Variants in DSTYK observed in about 807,000 individuals in gnomAD.
DSTYK encodes the protein RIP-homologous kinase.
In DSTYK, 34 loss-of-function variants were observed where a neutral mutation model predicts 98.7. That is an observed-to-expected ratio of 0.34 (90% CI 0.26 to 0.46). The LOEUF (loss-of-function observed/expected upper bound fraction) is 0.46. DSTYK is among the 20% of genes least tolerant of loss of function. The pLI, the probability that DSTYK is intolerant of heterozygous loss-of-function variation, is 1.00. For synonymous variants in DSTYK, 462 were observed against 457.3 expected (o/e 1.01, Z -0.13); for missense variants, 962 against 1,181.7 (o/e 0.81, Z 2.73).
rs186662552 is a variant in DSTYK, at chr1:205,195,674, A to G, written c.266-7868T>C. 3.5e-4 allele frequency among the ~76,000 whole-genome samples: 54 copies of G among 152,366 alleles called. No homozygotes were observed. In the East Asian group the frequency reaches 9.6e-3, roughly 27 times the overall value. The stretch of plus-strand genomic sequence containing the variant: ...CTGGAATCGGAAAAGTCAAGTTGGC[A>G]GAAGTCTCTCTAAAGTTATTCTATG... On this transcript the variant is annotated intron_variant, in intron 1 of 12. Transcript: ENST00000367162.
At chr1:205,186,767 A>G (rs2102449790) in intron 2 of DSTYK, among the ~76,000 whole-genome samples, 1 of 152,370 alleles carries the variant, frequency 6.6e-6, no homozygotes, top group South Asian at 2.1e-4. Context: ...ACAATATGAT[A>G]TCTTACGAGA....
At position 205,172,301 on chromosome 1, in the gene DSTYK, GT is replaced by G. The variant is rs111451734; in HGVS notation, c.655-2470del. Among the ~76,000 whole-genome samples, 1,287 of 140,698 alleles carry G rather than the reference GT, an allele frequency of 9.1e-3. 22 individuals carry two copies. Among genetic ancestry groups the G allele is most frequent in the African/African-American group, 0.03 (1,169 of 38,616 alleles). The allele number at this position is 140,698 out of a possible 152,430, so 92.3% of individuals were successfully genotyped here. A position where few individuals can be genotyped will look rare whatever the true frequency, so the allele number is the denominator to read the frequency against. ...ATAAAAGTTTTTCTGTTTGTTTGTG[GT>G]TTTTTTTTTTTTTCTGAGACAAGGT... On this transcript the variant is annotated intron_variant, in intron 2 of 12. Transcript: ENST00000367162.
chr1:205,143,768 GAC>G lies in DSTYK; in HGVS notation c.*3788_*3789del. 6.5e-6 allele frequency: 1 copy of G among 152,712 alleles called. No homozygotes were observed. Among genetic ancestry groups the G allele is most frequent in the African/African-American group, 2.4e-5 (1 of 41,576 alleles). The allele number at this position is 152,712 out of a possible 1,614,324, so 9.5% of individuals were successfully genotyped here. A position where few individuals can be genotyped will look rare whatever the true frequency, so the allele number is the denominator to read the frequency against. ...ACCCTTCTTTGGCAGCTCAAGCAAA[GAC>G]ACAAGAATGCATTTGAGAGCTGACA... On this transcript the variant is annotated 3_prime_UTR_variant, in exon 13 of 13. Coordinates refer to ENST00000367162, the MANE Select transcript of DSTYK (RefSeq NM_015375.3).
intron 1 of DSTYK, among the ~76,000 whole-genome samples, chr1:205,199,025 A>G (rs1658950536): frequency 6.6e-6 from 1 of 152,174 alleles, no homozygotes; most frequent in Admixed American, 6.6e-5. Context: ...CTTTTTTAAA[A>G]TAAGTGGAAT....
chr1:205,153,867 C>CTT (rs771169377), intron 10 of DSTYK, among the ~76,000 whole-genome samples: 24,218 of 132,336 alleles, frequency 0.18, 2,484 homozygotes, highest in East Asian at 0.38. Flanking sequence ...GCCTGGCTAA[C>CTT]TTTTTTTTTT....
At position 205,145,010 on chromosome 1, in the gene DSTYK, A is replaced by G. The variant is rs1446715429; in HGVS notation, c.*2548T>C. The G allele has an allele frequency of 6.6e-6, 1 of 152,240 alleles. No individual in the cohort carries two copies. The allele number at this position is 152,240 out of a possible 1,614,324, so 9.4% of individuals were successfully genotyped here. On this transcript the variant is annotated 3_prime_UTR_variant, in exon 13 of 13. Transcript: ENST00000367162. ...TTAGAGTCAAAAGAAAACAGTCTGG[A>G]AAGGGAACTATATAAGACTTTTCCT...
At chr1:205,196,508 C>A (rs995816181) in intron 1 of DSTYK, among the ~76,000 whole-genome samples, 1 of 152,104 alleles carries the variant, frequency 6.6e-6, no homozygotes, top group Non-Finnish European at 1.5e-5. Flanking sequence ...GAGCTATGAT[C>A]ACACTACTGC....
At chr1:205,156,212 A>G (rs1288102426) in intron 10 of DSTYK, among the ~76,000 whole-genome samples, 2 of 152,220 alleles carry the variant, frequency 1.3e-5, no homozygotes, top group African/African-American at 4.8e-5. Flanking sequence ...CCCCACAGAA[A>G]GTCCCCACTG....
At chr1:205,211,172 C>T in intron 1 of DSTYK, 99 bp downstream of exon 1, 1 of 1,460,812 alleles carries the variant, frequency 6.8e-7, no homozygotes, top group Non-Finnish European at 9.0e-7. Flanking sequence ...CCCTTTCCGC[C>T]TGCCCGAGAA....
chr1:205,194,673 G>A lies in DSTYK; in HGVS notation c.266-6867C>T, dbSNP rs138884598. Among the ~76,000 whole-genome samples the A allele has an allele frequency of 5.5e-4, 82 of 148,610 alleles. 2 individuals carry two copies. In the East Asian group the frequency reaches 0.012, roughly 22 times the overall value. On this transcript the variant is annotated intron_variant, in intron 1 of 12. Coordinates refer to ENST00000367162, the MANE Select transcript of DSTYK (RefSeq NM_015375.3). ...GCTAGGATTATAGGCATGAGCCGCC[G>A]TGCCTGGCCTAAAAAAAAAAGACAG...
chr1:205,196,087 G>C (rs557689276), intron 1 of DSTYK, among the ~76,000 whole-genome samples: 17 of 152,296 alleles, frequency 1.1e-4, no homozygotes, highest in African/African-American at 4.1e-4. Flanking sequence ...AGCTTGAAGG[G>C]AAACTCACTC....
intron 1 of DSTYK, among the ~76,000 whole-genome samples, chr1:205,188,283 G>T (rs1042283360): frequency 2.6e-5 from 4 of 152,142 alleles, no homozygotes; most frequent in African/African-American, 9.7e-5. Flanking sequence ...GATTACAGTC[G>T]TGTGTTGCTT....
At chr1:205,159,822 G>A in intron 8 of DSTYK, 143 bp from the exon 9 acceptor site, 2 of 1,055,824 alleles carry the variant, frequency 1.9e-6, no homozygotes, top group South Asian at 3.3e-5. Flanking sequence ...AGAGCCCTCA[G>A]TACAGACAGA....
intron 1 of DSTYK, among the ~76,000 whole-genome samples, chr1:205,207,540 C>G (rs1659239995): frequency 6.6e-6 from 1 of 150,418 alleles, no homozygotes; most frequent in Admixed American, 6.6e-5. Flanking sequence ...CGCTTGAGGT[C>G]AGGAGTTTGA....
chr1:205,173,597 T>C (rs1658135532), intron 2 of DSTYK, among the ~76,000 whole-genome samples: 1 of 152,172 alleles, frequency 6.6e-6, no homozygotes, highest in African/African-American at 2.4e-5. Context: ...ATTTTGTTTG[T>C]TTTTTCTGAT....
intron 1 of DSTYK, among the ~76,000 whole-genome samples, chr1:205,201,394 T>C (rs1343629620): frequency 7.0e-6 from 1 of 143,058 alleles, no homozygotes; most frequent in Non-Finnish European, 1.5e-5. Context: ...AAAAACAAAA[T>C]TTTTTTAATG....
At chr1:205,206,237 C>T (rs59568192) in intron 1 of DSTYK, among the ~76,000 whole-genome samples, 2 of 151,986 alleles carry the variant, frequency 1.3e-5, no homozygotes, top group East Asian at 3.9e-4. Flanking sequence ...ATAGCTAATA[C>T]TTACATAGCA....
rs200741404 is a variant in DSTYK at position 205,211,493 on chromosome 1, C to G, written c.43G>C (p.Gly15Arg). 6 of 1,579,192 alleles carry G rather than the reference C, an allele frequency of 3.8e-6. No homozygotes were observed. The South Asian group carries it at 6.8e-5, about 18-fold the overall frequency. ...ATTCCGCCGCCGCCGGGGCCGGGAC[C>G]CGAGACGGGCTCGCTGCCCCATGGC... is the stretch of plus-strand genomic sequence containing the variant. ...GVPWGSEPVS[G>R]PGPGGGGMIR... The change falls in exon 1 of 13, where the codon GGT becomes CGT. Residue 15 changes from glycine to arginine, a missense_variant. Physicochemically the swap from Gly to Arg is moderately radical, Grantham distance 125. This residue lies in a region of DSTYK where 168 missense variants were observed against 120.0 expected (regional missense o/e 1.40). Transcript: ENST00000367162.
intron 2 of DSTYK, among the ~76,000 whole-genome samples, chr1:205,180,042 C>A (rs1358004488): frequency 6.6e-6 from 1 of 152,168 alleles, no homozygotes; most frequent in Non-Finnish European, 1.5e-5. Flanking sequence ...AGAGCTAACC[C>A]TGGAAGGCCA....
Sources: gnomAD v4.1 joint callset for allele counts (sites outside exome capture counted in the v4.1 genomes callset) on GRCh38, gnomAD v4.1.1 for gene constraint, gnomAD v4.1.1 regional missense constraint, MANE v1.5 for transcripts, NCBI Gene and HGNC (gene_info 2026-07-23, HGNC 2026-07-21) for gene names.